The following SFRP1 variants were observed in gnomAD, a reference collection of about 807,000 sequenced individuals.
The protein encoded by SFRP1 is secreted frizzled related protein 1, also known as secreted frizzled-related protein 1.
A neutral mutation model predicts 25.9 loss-of-function variants in SFRP1; 9 were observed. The ratio of observed to expected loss-of-function variants is 0.35; its 90% CI spans 0.21 to 0.61. The LOEUF is 0.61. Among genes scored for constraint, SFRP1 ranks in the 20% least tolerant of loss-of-function variants. The pLI, the probability that SFRP1 is intolerant of heterozygous loss-of-function variation, is 0.78. For synonymous variants in SFRP1, 178 were observed against 174.0 expected (o/e 1.02, Z -0.18); for missense variants, 346 against 418.2 (o/e 0.83, Z 1.51).
chr8:41,272,436 C>A (rs879414426), intron 2 of SFRP1, among the ~76,000 whole-genome samples: 5 of 152,298 alleles, frequency 3.3e-5, no homozygotes, highest in Non-Finnish European at 7.3e-5. Flanking sequence ...GTGGCGAAAC[C>A]CCGTCTCTAC....
chr8:41,268,081 C>A (rs1299253559), intron 2 of SFRP1, among the ~76,000 whole-genome samples: 2 of 152,184 alleles, frequency 1.3e-5, no homozygotes, highest in Non-Finnish European at 2.9e-5. Flanking sequence ...CTAATGCATA[C>A]TCCAGCTGAC....
chr8:41,298,972 T>C (rs1364252651), intron 2 of SFRP1, among the ~76,000 whole-genome samples: 1 of 152,050 alleles, frequency 6.6e-6, no homozygotes, highest in East Asian at 1.9e-4. Context: ...CAAATCCTTC[T>C]CTCCACTCCC....
intron 2 of SFRP1, among the ~76,000 whole-genome samples, chr8:41,273,335 C>T (rs1163010681): frequency 6.6e-6 from 1 of 152,018 alleles, no homozygotes; most frequent in Admixed American, 6.6e-5. Context: ...ACTAAAAATA[C>T]AAACACTTAG....
In SFRP1 at chr8:41,265,438, A is replaced by G. The variant is rs760933254; in HGVS notation, c.674T>C (p.Ile225Thr). The G allele has an allele frequency of 6.2e-7, 1 of 1,609,940 alleles. No homozygotes were observed. The highest frequency in any genetic ancestry group is 8.5e-7 in the Non-Finnish European group (1 of 1,179,198). Reference protein sequence around the residue: ...EVKKENGDKKIVPKKKKPLKL... With the variant: ...EVKKENGDKKTVPKKKKPLKL... The stretch of plus-strand genomic sequence containing the variant: ...CAGGGGCTTCTTCTTCTTGGGGACA[A>G]TCTTCTTGTCGCCATTTTCTTTTTT... Residue 225 changes from isoleucine (I) to threonine (T), a missense_variant, in exon 3 of 3, where the codon ATT (isoleucine) becomes ACT (threonine). Coordinates refer to ENST00000220772, the MANE Select transcript of SFRP1 (RefSeq NM_003012.5).
chr8:41,299,649 C>A (rs1307491941), intron 2 of SFRP1, among the ~76,000 whole-genome samples: 1 of 117,710 alleles, frequency 8.5e-6, no homozygotes, highest in African/African-American at 3.5e-5. Flanking sequence ...CCAGGTAGAG[C>A]GAGACTTAGT....
intron 1 of SFRP1, among the ~76,000 whole-genome samples, chr8:41,304,447 G>C (rs1427896272): frequency 1.3e-5 from 2 of 151,986 alleles, no homozygotes; most frequent in African/African-American, 4.8e-5. Flanking sequence ...AAGCAGCCTG[G>C]AGCTTATCGA....
rs114411965 is a variant in SFRP1, at chr8:41,295,869, A to G, written c.622+7592T>C. 6.7e-3 allele frequency among the ~76,000 whole-genome samples: 1,027 copies of G among 152,196 alleles called. 14 individuals carry two copies. Among genetic ancestry groups the G allele is most frequent in the African/African-American group, 0.023 (965 of 41,538 alleles). ...TACGTCCAGCCCCCTGCCAATGTGG[A>G]TCAACAAATGTCTATTTTCAAAGAA... is the stretch of plus-strand genomic sequence containing the variant. On this transcript the variant is annotated intron_variant, in intron 2 of 2. Coordinates refer to ENST00000220772, the MANE Select transcript of SFRP1 (RefSeq NM_003012.5).
intron 1 of SFRP1, among the ~76,000 whole-genome samples, 194 bp downstream of exon 1, chr8:41,308,422 G>A (rs1229920573): frequency 3.3e-5 from 5 of 152,256 alleles, no homozygotes; most frequent in Non-Finnish European, 5.9e-5. Context: ...TGGGTCGCGA[G>A]GGGCGCTGAG....
intron 2 of SFRP1, among the ~76,000 whole-genome samples, chr8:41,297,606 T>A (rs905559889): frequency 2.0e-5 from 3 of 152,030 alleles, no homozygotes; most frequent in Non-Finnish European, 4.4e-5. Flanking sequence ...CTTGATTAAA[T>A]CCAATTCTCC....
intron 2 of SFRP1, among the ~76,000 whole-genome samples, chr8:41,276,369 C>T (rs1347137963): frequency 6.6e-6 from 1 of 152,252 alleles, no homozygotes; most frequent in Non-Finnish European, 1.5e-5. Context: ...CAACCTCCTT[C>T]CAACACTCAG....
chr8:41,286,057 A>G (rs1488177221), intron 2 of SFRP1, among the ~76,000 whole-genome samples: 1 of 151,144 alleles, frequency 6.6e-6, no homozygotes, highest in East Asian at 2.0e-4. Flanking sequence ...AGAAGCTCAT[A>G]GTTGCCAGCC....
chr8:41,294,379 A>G (rs1182306785), intron 2 of SFRP1, among the ~76,000 whole-genome samples: 1 of 152,226 alleles, frequency 6.6e-6, no homozygotes, highest in Non-Finnish European at 1.5e-5. Context: ...AGAAGAGAAC[A>G]CATCTGAGGT....
At chr8:41,302,230 G>A (rs980047410) in intron 2 of SFRP1, among the ~76,000 whole-genome samples, 1 of 152,120 alleles carries the variant, frequency 6.6e-6, no homozygotes, top group Non-Finnish European at 1.5e-5. Flanking sequence ...CCCATGCATG[G>A]AAACAGGATA....
intron 2 of SFRP1, among the ~76,000 whole-genome samples, chr8:41,287,294 G>A (rs888812501): frequency 1.3e-5 from 2 of 152,234 alleles, no homozygotes; most frequent in Admixed American, 1.3e-4. Context: ...GAAATGCCTG[G>A]GAATGACAGG....
In SFRP1 at chr8:41,265,120, G is replaced by GC; in HGVS notation, c.*46dup. On this transcript the variant is annotated 3_prime_UTR_variant, in exon 3 of 3. Transcript: ENST00000220772. ...GGGTTCCCGGGGCACTGTCCCCCCC[G>GC]CTCCCACCCCACCCGAGGCTCCCTC... The GC allele has an allele frequency of 4.7e-4, 75 of 160,626 alleles. No homozygotes were observed. Among genetic ancestry groups the GC allele is most frequent in the South Asian group, 3.5e-3 (22 of 6,278 alleles). The allele number at this position is 160,626 out of a possible 1,614,324, so 10.0% of individuals were successfully genotyped here. A position where few individuals can be genotyped will look rare whatever the true frequency, so the allele number is the denominator to read the frequency against.
At chr8:41,302,166 C>A (rs1803929369) in intron 2 of SFRP1, among the ~76,000 whole-genome samples, 1 of 152,204 alleles carries the variant, frequency 6.6e-6, no homozygotes, top group Non-Finnish European at 1.5e-5. Context: ...TGAGTTAATG[C>A]AGAAACAGAC....
chr8:41,267,719 C>T (rs1028507959), intron 2 of SFRP1, among the ~76,000 whole-genome samples: 1 of 152,206 alleles, frequency 6.6e-6, no homozygotes, highest in Non-Finnish European at 1.5e-5. Context: ...GATGAGAAAA[C>T]TGAGGCATAG....
intron 2 of SFRP1, among the ~76,000 whole-genome samples, chr8:41,267,455 G>T (rs1208657076): frequency 6.6e-6 from 1 of 152,116 alleles, no homozygotes; most frequent in Non-Finnish European, 1.5e-5. Context: ...TCACTTTCTA[G>T]GTGCCAGTCA....
Position 41,262,416 on chromosome 8 carries a change from C to T in SFRP1, c.*2751G>A, listed in dbSNP as rs1803386572. The T allele has an allele frequency of 6.6e-6, 1 of 152,154 alleles. No individual in the cohort carries two copies. The highest frequency in any genetic ancestry group is 6.5e-5 in the Admixed American group (1 of 15,272). 9.4% of individuals were successfully genotyped at this position (152,154 alleles called of 1,614,324 possible). Reference sequence around the variant, plus strand: ...ATGGGATTACTGTAATTTACACATCCAAATGCAAACTGGAGCTCTGATTGA... The same window carrying T: ...ATGGGATTACTGTAATTTACACATCTAAATGCAAACTGGAGCTCTGATTGA... On this transcript the variant is annotated 3_prime_UTR_variant, in exon 3 of 3. Coordinates refer to ENST00000220772, the MANE Select transcript of SFRP1 (RefSeq NM_003012.5).
Sources: allele counts gnomAD v4.1 joint callset (sites outside exome capture counted in the v4.1 genomes callset), GRCh38; gene constraint gnomAD v4.1.1; transcripts MANE v1.5; gene names NCBI Gene and HGNC (gene_info 2026-07-23, HGNC 2026-07-21).